Variants in ROS1 observed in about 807,000 individuals in gnomAD.
ROS1 encodes ROS proto-oncogene 1, receptor tyrosine kinase, also known as proto-oncogene tyrosine-protein kinase ROS.
In ROS1, 263 loss-of-function variants were observed where a neutral mutation model predicts 273.5. The observed-to-expected ratio is 0.96, with a 90% CI of 0.87 to 1.06. The LOEUF (loss-of-function observed/expected upper bound fraction) is 1.06, where lower values mean the gene tolerates loss of function less well. Ranked by LOEUF, ROS1 falls within the 50% of genes least tolerant of loss-of-function variation. The pLI is 0.00. For synonymous variants in ROS1, 1,008 were observed against 954.1 expected (o/e 1.06, Z -1.04); for missense variants, 2,833 against 2,751.1 (o/e 1.03, Z -0.67).
chr6:117,310,536 C>G (rs575549153), intron 40 of ROS1, among the ~76,000 whole-genome samples: 7 of 152,038 alleles, frequency 4.6e-5, no homozygotes, highest in Non-Finnish European at 1.0e-4. Context: ...AATGCTCTCC[C>G]TTCCCTTGCC....
At position 117,385,837 on chromosome 6, in the gene ROS1, A is replaced by G; in HGVS notation, c.2135T>C (p.Leu712Pro). 1 of 1,614,178 alleles carries G rather than the reference A, an allele frequency of 6.2e-7. No individual in the cohort carries two copies. The highest frequency in any genetic ancestry group is 8.5e-7 in the Non-Finnish European group (1 of 1,180,002). Reference protein sequence around the residue: ...VSDMDWYNNSLYYSDTKGDVF... With the variant: ...VSDMDWYNNSPYYSDTKGDVF... ...GTCGCCTTTCGTGTCACTGTAGTAG[A>G]GGCTGTTGTTATACCAATCCATGTC... Residue 712 changes from leucine (L) to proline (P), a missense_variant, in exon 16 of 44, where the codon CTC becomes CCC. By Grantham distance (98) the Leu-to-Pro change is moderately conservative. Coordinates refer to ENST00000368507, the MANE Select transcript of ROS1 (RefSeq NM_001378902.1).
intron 43 of ROS1, chr6:117,299,621 A>G (rs894040389): frequency 9.2e-5 from 14 of 152,222 alleles, no homozygotes; most frequent in African/African-American, 3.4e-4. Context: ...ATCACTGCAA[A>G]TAGCAAGAAG....
Position 117,344,295 on chromosome 6 carries a change from CTATACTA to C in ROS1, c.4304-40_4304-34del, listed in dbSNP as rs1173715635. ...AAGAAGAAACCAAAAGATTAAATAT[CTATACTA>C]TATATATGAGAGGAAAAGCAGATTT... On this transcript the variant is annotated intron_variant, in intron 27 of 43. Transcript: ENST00000368507. 3 of 1,478,540 alleles carry C rather than the reference CTATACTA, an allele frequency of 2.0e-6. No homozygotes were observed. In the East Asian group the frequency reaches 7.1e-5, roughly 35 times the overall value. 91.6% of individuals were successfully genotyped at this position (1,478,540 alleles called of 1,614,324 possible). A position where few individuals can be genotyped will look rare whatever the true frequency, so the allele number is the denominator to read the frequency against.
At chr6:117,404,515 T>A in intron 5 of ROS1, 87 bp from the exon 6 acceptor site, 1 of 1,237,168 alleles carries the variant, frequency 8.1e-7, no homozygotes, top group Non-Finnish European at 1.1e-6. Flanking sequence ...GGGCTCTCCG[T>A]ATTCTCTTGC....
At chr6:117,395,274 G>A (rs1326266465) in intron 9 of ROS1, among the ~76,000 whole-genome samples, 1 of 152,072 alleles carries the variant, frequency 6.6e-6, no homozygotes, top group Non-Finnish European at 1.5e-5. Flanking sequence ...CATTTTTAGG[G>A]TATTTAATGA....
At chr6:117,328,524 AG>A in intron 33 of ROS1, 1 of 396,404 alleles carries the variant, frequency 2.5e-6, no homozygotes, top group Non-Finnish European at 4.8e-6. Flanking sequence ...TAGTATGAAC[AG>A]GAACATTTTT....
chr6:117,414,000 G>C (rs982042951), intron 4 of ROS1, among the ~76,000 whole-genome samples: 3 of 147,940 alleles, frequency 2.0e-5, no homozygotes, highest in Admixed American at 6.7e-5. Context: ...AAAAGAAAGA[G>C]AGAGAAAGAG....
intron 21 of ROS1, among the ~76,000 whole-genome samples, chr6:117,364,209 C>A (rs998917710): frequency 1.3e-5 from 2 of 152,122 alleles, no homozygotes; most frequent in African/African-American, 4.8e-5. Context: ...TTGTGTAATT[C>A]GTAGATGGAT....
intron 31 of ROS1, among the ~76,000 whole-genome samples, chr6:117,340,751 G>A (rs1667011891): frequency 6.6e-6 from 1 of 152,052 alleles, no homozygotes; most frequent in African/African-American, 2.4e-5. Flanking sequence ...CCCTTAAAAT[G>A]ATGAAAGAAC....
At chr6:117,305,058 T>C (rs1775002844) in intron 42 of ROS1, among the ~76,000 whole-genome samples, 1 of 152,176 alleles carries the variant, frequency 6.6e-6, no homozygotes, top group Non-Finnish European at 1.5e-5. Flanking sequence ...ATTAAACCTC[T>C]TTTCTTTATA....
intron 12 of ROS1, among the ~76,000 whole-genome samples, chr6:117,390,807 A>G (rs1773007722): frequency 6.6e-6 from 1 of 152,242 alleles, no homozygotes; most frequent in Admixed American, 6.5e-5. Context: ...AGAGAAGCAC[A>G]TCTAATTTAA....
chr6:117,400,035 A>C (rs1773816206), intron 7 of ROS1, among the ~76,000 whole-genome samples: 3 of 152,324 alleles, frequency 2.0e-5, no homozygotes, highest in Admixed American at 2.0e-4. Context: ...ATCTGGACCT[A>C]GTCTGCCTTC....
At chr6:117,374,849 A>T (rs1258152793) in intron 18 of ROS1, among the ~76,000 whole-genome samples, 1 of 152,238 alleles carries the variant, frequency 6.6e-6, no homozygotes. Flanking sequence ...TACACTGCTG[A>T]TGGGAATGTA....
chr6:117,307,689 G>T (rs147540566), intron 42 of ROS1, among the ~76,000 whole-genome samples: 7 of 152,060 alleles, frequency 4.6e-5, no homozygotes, highest in East Asian at 3.9e-4. Flanking sequence ...AGAAACAAGC[G>T]GTAATTCCAA....
chr6:117,365,347 G>A, intron 20 of ROS1, 143 bp from the exon 21 acceptor site: 1 of 883,740 alleles, frequency 1.1e-6, no homozygotes, highest in South Asian at 1.8e-5. Context: ...GGCAAGTTCT[G>A]TGTTGTGCCA....
intron 13 of ROS1, 87 bp downstream of exon 13, chr6:117,389,263 C>G: frequency 1.4e-6 from 2 of 1,464,118 alleles, no homozygotes; most frequent in South Asian, 2.8e-5. Flanking sequence ...AAATGGGGCT[C>G]TCAAAATTGA....
chr6:117,372,007 A>T (rs1780830665), intron 18 of ROS1, among the ~76,000 whole-genome samples: 2 of 152,162 alleles, frequency 1.3e-5, no homozygotes, highest in Non-Finnish European at 1.5e-5. Context: ...AAGACAAAGG[A>T]CATACTCTCT....
chr6:117,335,712 C>T (rs762863381), intron 32 of ROS1, among the ~76,000 whole-genome samples: 5 of 152,174 alleles, frequency 3.3e-5, no homozygotes, highest in African/African-American at 7.2e-5. Context: ...TGGAAGTCAT[C>T]ATCCTCAGCA....
Position 117,329,437 on chromosome 6 carries a change from G to A in ROS1, c.5240C>T (p.Pro1747Leu), listed in dbSNP as rs575187153. 5 of 1,542,334 alleles carry A rather than the reference G, an allele frequency of 3.2e-6. No individual in the cohort carries two copies. Among genetic ancestry groups the A allele is most frequent in the East Asian group, 2.3e-5 (1 of 44,412 alleles). ...TAATTTGGGAATGCCTGGTTTATTT[G>A]GGACTCCAGCTTTAGGGAAAAAAAG... ...PESFKTKAGV[P>L]NKPGIPKLLE... is the part of the protein sequence containing the mutation. Residue 1747 changes from proline to leucine, a missense_variant, in exon 33 of 44, where the codon CCA becomes CTA. By Grantham distance (98) the Pro-to-Leu change is moderately conservative. Coordinates refer to ENST00000368507, the MANE Select transcript of ROS1 (RefSeq NM_001378902.1).
Sources: allele counts gnomAD v4.1 joint callset (sites outside exome capture counted in the v4.1 genomes callset), GRCh38; gene constraint gnomAD v4.1.1; transcripts MANE v1.5; gene names NCBI Gene and HGNC (gene_info 2026-07-23, HGNC 2026-07-21).